The following RAB4A variants were observed in gnomAD, a reference collection of about 807,000 sequenced individuals.
RAB4A encodes RAB4A, member RAS oncogene family.
In RAB4A, 20 loss-of-function variants were observed where a neutral mutation model predicts 34.5. The observed-to-expected ratio is 0.58, with a 90% confidence interval of 0.41 to 0.84. The LOEUF (loss-of-function observed/expected upper bound fraction) is 0.84. Ranked by LOEUF, RAB4A falls within the 40% of genes least tolerant of loss-of-function variation. The pLI is 0.00. For missense variants in RAB4A, 228 were observed against 274.5 expected, an observed-to-expected ratio of 0.83 and a Z score of 1.20; for synonymous variants, 102 against 100.0, an observed-to-expected ratio of 1.02 and a Z score of -0.12.
intron 6 of RAB4A, 118 bp downstream of exon 6, chr1:229,299,190 G>T: frequency 1.4e-6 from 1 of 697,458 alleles, no homozygotes; most frequent in Non-Finnish European, 2.3e-6. Context: ...CTCTCTACCT[G>T]CCAACCTAAA....
At chr1:229,273,337 T>TA (rs951637460) in intron 1 of RAB4A, among the ~76,000 whole-genome samples, 1 of 152,256 alleles carries the variant, frequency 6.6e-6, no homozygotes, top group Non-Finnish European at 1.5e-5. Context: ...CTTTGACCAT[T>TA]AGTATTCTTA....
chr1:229,305,344 A>T lies in RAB4A; in HGVS notation c.*1551A>T. 6.6e-7 allele frequency: 1 copy of T among 1,508,610 alleles called. No homozygotes were observed. Among genetic ancestry groups the T allele is most frequent in the Non-Finnish European group, 8.9e-7 (1 of 1,119,322 alleles). The allele number at this position is 1,508,610 out of a possible 1,614,324, so 93.5% of individuals were successfully genotyped here. A position where few individuals can be genotyped will look rare whatever the true frequency, so the allele number is the denominator to read the frequency against. ...ATTTTTGAACAGCTTTTTGCATGGG[A>T]TAGGAGCATGTCTATTCTAACACAT... On this transcript the variant is annotated 3_prime_UTR_variant, in exon 8 of 8. Transcript: ENST00000366690.
rs560481750 is a variant in RAB4A at position 229,271,153 on chromosome 1, C to T, written c.-187C>T. ...CGCGGCCGGACGGAGGGTGGAGGGCCCTGCGCCTGCGCGGAGCTGGAGTCC... is the reference window on the plus strand; with the variant it reads ...CGCGGCCGGACGGAGGGTGGAGGGCTCTGCGCCTGCGCGGAGCTGGAGTCC... On this transcript the variant is annotated 5_prime_UTR_variant, in exon 1 of 8. Transcript: ENST00000366690. The T allele has an allele frequency of 6.9e-6, 3 of 437,436 alleles. No individual in the cohort carries two copies. Among genetic ancestry groups the T allele is most frequent in the African/African-American group, 4.1e-5 (2 of 48,260 alleles). The allele number at this position is 437,436 out of a possible 1,614,324, so 27.1% of individuals were successfully genotyped here. A position where few individuals can be genotyped will look rare whatever the true frequency, so the allele number is the denominator to read the frequency against.
In RAB4A at chr1:229,271,289, C is replaced by T; in HGVS notation, c.-51C>T. 1 of 1,328,764 alleles carries T rather than the reference C, an allele frequency of 7.5e-7. No homozygotes were observed. The highest frequency in any genetic ancestry group is 1.9e-5 in the South Asian group (1 of 52,222). The allele number at this position is 1,328,764 out of a possible 1,614,324, so 82.3% of individuals were successfully genotyped here. On this transcript the variant is annotated 5_prime_UTR_variant, in exon 1 of 8. Coordinates refer to ENST00000366690, the MANE Select transcript of RAB4A (RefSeq NM_004578.4). Reference sequence around the variant, plus strand: ...TTCCCCACCGAGACGCGCCGGCGGACCGCGGGCGAGTGCAGCCGGTGACCC... The same window carrying T: ...TTCCCCACCGAGACGCGCCGGCGGATCGCGGGCGAGTGCAGCCGGTGACCC...
chr1:229,283,112 G>T (rs1656818947), intron 1 of RAB4A, among the ~76,000 whole-genome samples: 1 of 152,162 alleles, frequency 6.6e-6, no homozygotes. Flanking sequence ...CTGCCATCAT[G>T]TCTAGATTCT....
intron 1 of RAB4A, among the ~76,000 whole-genome samples, chr1:229,284,933 A>G (rs139114527): frequency 3.6e-4 from 55 of 152,088 alleles, no homozygotes; most frequent in African/African-American, 1.3e-3. Flanking sequence ...AGTACTGCCT[A>G]CTGGTAATCT....
intron 1 of RAB4A, among the ~76,000 whole-genome samples, chr1:229,284,094 GTTTTTT>G (rs773213321): frequency 4.4e-5 from 2 of 45,902 alleles, no homozygotes; most frequent in Non-Finnish European, 7.6e-5. Flanking sequence ...GTGTTGTTTG[GTTTTTT>G]TTTTTTTTTT....
At chr1:229,286,885 C>T (rs1375863900) in intron 2 of RAB4A, among the ~76,000 whole-genome samples, 1 of 152,142 alleles carries the variant, frequency 6.6e-6, no homozygotes, top group African/African-American at 2.4e-5. Flanking sequence ...AAGCTCTAGG[C>T]ATACATTTTG....
chr1:229,299,514 G>A (rs1188780569), intron 6 of RAB4A, among the ~76,000 whole-genome samples: 2 of 152,160 alleles, frequency 1.3e-5, no homozygotes, highest in Non-Finnish European at 2.9e-5. Context: ...GAACTATGGA[G>A]TCCAGAGTAA....
chr1:229,297,418 G>A, intron 4 of RAB4A, 64 bp from the exon 5 acceptor site: 1 of 1,482,914 alleles, frequency 6.7e-7, no homozygotes, highest in South Asian at 1.3e-5. Context: ...TAGTGAGAAT[G>A]ACTGGAAAGA....
At chr1:229,292,413 C>G (rs534505688) in intron 3 of RAB4A, among the ~76,000 whole-genome samples, 1 of 152,272 alleles carries the variant, frequency 6.6e-6, no homozygotes, top group South Asian at 2.1e-4. Context: ...TCGTAGTTCC[C>G]TCTTCCTCTA....
Position 229,302,290 on chromosome 1 carries a change from TATATATA to T in RAB4A, c.542-571_542-565del, listed in dbSNP as rs1558242351. 7.8e-3 allele frequency among the ~76,000 whole-genome samples: 192 copies of T among 24,530 alleles called. 11 individuals are homozygous for T. Among genetic ancestry groups the T allele is most frequent in the African/African-American group, 0.033 (181 of 5,462 alleles). 16.1% of individuals were successfully genotyped at this position (24,530 alleles called of 152,430 possible). On this transcript the variant is annotated intron_variant, in intron 6 of 7. Transcript: ENST00000366690. ...ATATATATATATATATATATATATA[TATATATA>T]TATATATATATATTTTTTTTTTTTT...
In RAB4A at chr1:229,297,655, CT is replaced by C; in HGVS notation, c.445+21del. The C allele has an allele frequency of 6.5e-7, 1 of 1,547,214 alleles. No individual in the cohort carries two copies. The highest frequency in any genetic ancestry group is 8.7e-7 in the Non-Finnish European group (1 of 1,149,852). On this transcript the variant is annotated intron_variant, in intron 5 of 7. Coordinates refer to ENST00000366690, the MANE Select transcript of RAB4A (RefSeq NM_004578.4). Reference sequence around the variant, plus strand: ...GAAAATGGCAAGTGACCTTTTACTTCTTACTATTTTTCAAATCGCATATTTG... The same window carrying C: ...GAAAATGGCAAGTGACCTTTTACTTCTACTATTTTTCAAATCGCATATTTG...
chr1:229,290,051 C>A (rs371297993), intron 3 of RAB4A, among the ~76,000 whole-genome samples: 18 of 152,268 alleles, frequency 1.2e-4, no homozygotes, highest in African/African-American at 3.9e-4. Flanking sequence ...CCAAAAAAAT[C>A]TTAAAGATAG....
intron 1 of RAB4A, among the ~76,000 whole-genome samples, chr1:229,281,912 A>C (rs937194173): frequency 1.3e-5 from 2 of 150,506 alleles, no homozygotes; most frequent in African/African-American, 4.9e-5. Flanking sequence ...TTTCCTTTAC[A>C]TATTTTAGAA....
At chr1:229,293,110 T>G (rs913938367) in intron 3 of RAB4A, among the ~76,000 whole-genome samples, 8 of 152,200 alleles carry the variant, frequency 5.3e-5, no homozygotes, top group African/African-American at 1.9e-4. Context: ...TTTACTGGTT[T>G]GTTAGATAGG....
At chr1:229,283,442 G>A (rs894766831) in intron 1 of RAB4A, among the ~76,000 whole-genome samples, 6 of 152,172 alleles carry the variant, frequency 3.9e-5, no homozygotes, top group Admixed American at 3.9e-4. Context: ...TTTTTGCTGT[G>A]GTGCTTGGCT....
chr1:229,279,825 T>C (rs892905808), intron 1 of RAB4A, among the ~76,000 whole-genome samples: 2 of 143,684 alleles, frequency 1.4e-5, no homozygotes, highest in Non-Finnish European at 3.0e-5. Flanking sequence ...AAAACCCTTA[T>C]CAGGTGAATA....
chr1:229,300,915 G>C (rs1390215262), intron 6 of RAB4A, among the ~76,000 whole-genome samples: 3 of 152,114 alleles, frequency 2.0e-5, no homozygotes, highest in Non-Finnish European at 2.9e-5. Flanking sequence ...AAAAGGAAAT[G>C]GTCGGAAATG....
Sources: gnomAD v4.1 joint callset for allele counts (sites outside exome capture counted in the v4.1 genomes callset) on GRCh38, gnomAD v4.1.1 for gene constraint, MANE v1.5 for transcripts, NCBI Gene and HGNC (gene_info 2026-07-23, HGNC 2026-07-21) for gene names.